ACYP2: variants seen among roughly 807,000 people sequenced by gnomAD.
The protein encoded by ACYP2 is acylphosphatase 2.
Under a neutral mutation model 11.2 loss-of-function variants are expected in ACYP2, and 12 were observed. The observed-to-expected ratio is 1.08, with a 90% confidence interval of 0.69 to 1.74. The LOEUF (loss-of-function observed/expected upper bound fraction) is 1.74. Among genes scored for constraint, ACYP2 ranks in the 40% most tolerant of loss-of-function variants. The probability of loss-of-function intolerance (pLI) is 0.00; values close to 1 mark genes in which losing one functional copy is unlikely to be tolerated. For missense variants in ACYP2, 134 were observed against 101.9 expected, an observed-to-expected ratio of 1.31 and a Z score of -1.35; for synonymous variants, 43 against 32.2, an observed-to-expected ratio of 1.33 and a Z score of -1.13.
chr2:54,298,745 A>G (rs1052910744), intron 6 of ACYP2, among the ~76,000 whole-genome samples: 1 of 152,216 alleles, frequency 6.6e-6, no homozygotes, highest in African/African-American at 2.4e-5. Context: ...CTGCTCAGGC[A>G]GAAGCCAGAG....
intron 6 of ACYP2, among the ~76,000 whole-genome samples, chr2:54,241,755 G>T (rs987190726): frequency 6.6e-6 from 1 of 152,238 alleles, no homozygotes; most frequent in Non-Finnish European, 1.5e-5. Context: ...GCTCACGCCT[G>T]TAATCCCAGC....
At chr2:54,081,693 G>A (rs1176612754) in intron 4 of ACYP2, among the ~76,000 whole-genome samples, 3 of 152,210 alleles carry the variant, frequency 2.0e-5, no homozygotes, top group African/African-American at 4.8e-5. Context: ...TACCTGATGA[G>A]AGAGATTTTT....
At chr2:54,275,990 T>A (rs1348442694) in intron 6 of ACYP2, among the ~76,000 whole-genome samples, 1 of 152,176 alleles carries the variant, frequency 6.6e-6, no homozygotes, top group African/African-American at 2.4e-5. Flanking sequence ...TATCTTTTTC[T>A]GAAAAAAAGT....
chr2:54,172,011 C>T (rs1052587351), intron 6 of ACYP2, among the ~76,000 whole-genome samples: 1 of 151,958 alleles, frequency 6.6e-6, no homozygotes, highest in Non-Finnish European at 1.5e-5. Context: ...CCTAGCAGTG[C>T]AAGATCAGCC....
Position 54,267,395 on chromosome 2 carries a change from G to T in ACYP2, c.405-37293G>T. 8.5e-6 allele frequency: 13 copies of T among 1,524,628 alleles called. No homozygotes were observed. The South Asian group carries it at 1.0e-4, about 12-fold the overall frequency. The allele number at this position is 1,524,628 out of a possible 1,614,324, so 94.4% of individuals were successfully genotyped here. A position where few individuals can be genotyped will look rare whatever the true frequency, so the allele number is the denominator to read the frequency against. On this transcript the variant is annotated intron_variant, in intron 6 of 6. Coordinates refer to ENST00000607452, the MANE Select transcript of ACYP2 (RefSeq NM_001320586.2). ...GAGGTTTCTACTTTCAAATGAGAAG[G>T]GCTTATACATCCTAAAGTAAGGGGT...
At chr2:54,106,455 A>AC (rs1163571229) in intron 4 of ACYP2, among the ~76,000 whole-genome samples, 3 of 152,172 alleles carry the variant, frequency 2.0e-5, no homozygotes, top group Non-Finnish European at 4.4e-5. Flanking sequence ...CCACGTAAAA[A>AC]CCATCTTATT....
intron 4 of ACYP2, among the ~76,000 whole-genome samples, chr2:54,122,949 T>G (rs1242761365): frequency 6.6e-6 from 1 of 152,184 alleles, no homozygotes; most frequent in East Asian, 1.9e-4. Flanking sequence ...GTAAGTGGAC[T>G]TTATAATGAC....
intron 6 of ACYP2, among the ~76,000 whole-genome samples, chr2:54,151,383 G>C (rs1259684578): frequency 6.6e-6 from 1 of 152,208 alleles, no homozygotes; most frequent in Non-Finnish European, 1.5e-5. Flanking sequence ...TGTGCAACCA[G>C]AGTGGCTAGC....
At chr2:54,248,052 TG>T (rs1450292687) in intron 6 of ACYP2, among the ~76,000 whole-genome samples, 345 of 152,360 alleles carry the variant, frequency 2.3e-3, no homozygotes, top group African/African-American at 8.1e-3. Context: ...TAAAGCCTGT[TG>T]TTTTTAACTT....
chr2:54,102,638 CA>C (rs58842257), intron 4 of ACYP2, among the ~76,000 whole-genome samples: 18 of 83,322 alleles, frequency 2.2e-4, no homozygotes, highest in African/African-American at 9.3e-4. Context: ...TGGCTTAAGC[CA>C]AAAAAAAAAA....
chr2:54,016,149 C>T (rs986131894), intron 2 of ACYP2, among the ~76,000 whole-genome samples: 3 of 151,786 alleles, frequency 2.0e-5, no homozygotes, highest in Non-Finnish European at 4.4e-5. Context: ...GGGATGTATG[C>T]TCATGGTCTT....
intron 6 of ACYP2, among the ~76,000 whole-genome samples, chr2:54,227,451 C>G (rs1386279839): frequency 6.6e-6 from 1 of 151,866 alleles, no homozygotes; most frequent in African/African-American, 2.4e-5. Context: ...CCATCCTGAC[C>G]AACATGGTGA....
chr2:54,165,197 T>C (rs1452843982), intron 6 of ACYP2, among the ~76,000 whole-genome samples: 2 of 152,222 alleles, frequency 1.3e-5, no homozygotes, highest in African/African-American at 4.8e-5. Flanking sequence ...TTGGAGACAC[T>C]GTATAGACTA....
chr2:54,083,188 C>G (rs1482957713), intron 4 of ACYP2, among the ~76,000 whole-genome samples: 1 of 152,152 alleles, frequency 6.6e-6, no homozygotes, highest in African/African-American at 2.4e-5. Flanking sequence ...TTCCCAGCAA[C>G]AGGATCTGTT....
rs368804799 is a variant in ACYP2, at chr2:53,973,792, C to T, written c.44C>T (p.Thr15Met). Residue 15 changes from threonine (T) to methionine (M), a missense_variant, in exon 2 of 7, where the codon ACG becomes ATG. Physicochemically the swap from Thr to Met is moderately conservative, Grantham distance 81 (BLOSUM62 -1). Transcript: ENST00000607452. ...CTGTTTGGTGGTCTCTTCCCACGGA[C>T]GCGCGAGACAATGAGGAGGTACTTG... 2 of 346,366 alleles carry T rather than the reference C, an allele frequency of 5.8e-6. No homozygotes were observed. The highest frequency in any genetic ancestry group is 1.0e-5 in the Non-Finnish European group (2 of 193,050). The allele number at this position is 346,366 out of a possible 1,614,324, so 21.5% of individuals were successfully genotyped here.
chr2:54,304,516 C>T (rs1689843658), intron 6 of ACYP2, among the ~76,000 whole-genome samples, 172 bp from the exon 4 acceptor site: 1 of 151,956 alleles, frequency 6.6e-6, no homozygotes, highest in African/African-American at 2.4e-5. Flanking sequence ...ATACATTATA[C>T]TCTGTGGTAT....
intron 2 of ACYP2, among the ~76,000 whole-genome samples, chr2:54,025,843 C>T (rs1199971304): frequency 6.6e-6 from 1 of 152,158 alleles, no homozygotes; most frequent in Non-Finnish European, 1.5e-5. Context: ...TGCCTGTAAT[C>T]CCAGCGCTTT....
chr2:54,290,156 G>A lies in ACYP2; in HGVS notation c.405-14532G>A, dbSNP rs183271856. ...GCACATTCCTCTCGGCACAGAGGTC[G>A]GAGCCGGTGGGTGCCCGGCTGCCGC... On this transcript the variant is annotated intron_variant, in intron 6 of 6. Coordinates refer to ENST00000607452, the MANE Select transcript of ACYP2 (RefSeq NM_001320586.2). 5.2e-3 allele frequency among the ~76,000 whole-genome samples: 785 copies of A among 152,170 alleles called. 40 individuals are homozygous for A. Among genetic ancestry groups the A allele is most frequent in the Admixed American group, 0.042 (650 of 15,298 alleles).
At chr2:54,190,476 G>A (rs1684195374) in intron 6 of ACYP2, among the ~76,000 whole-genome samples, 1 of 151,888 alleles carries the variant, frequency 6.6e-6, no homozygotes, top group Admixed American at 6.6e-5. Flanking sequence ...TGACCTCCAA[G>A]TGTTAAGTCC....
Sources: gnomAD v4.1 joint callset for allele counts (sites outside exome capture counted in the v4.1 genomes callset) on GRCh38, gnomAD v4.1.1 for gene constraint, MANE v1.5 for transcripts, NCBI Gene and HGNC (gene_info 2026-07-23, HGNC 2026-07-21) for gene names.